Variants in GTF2E1 observed in about 807,000 individuals in gnomAD.
GTF2E1 encodes general transcription factor IIE subunit 1.
GTF2E1 carries 14 observed loss-of-function variants against 34.9 expected under a neutral mutation model. The ratio of observed to expected loss-of-function variants is 0.40; its 90% confidence interval spans 0.27 to 0.63. GTF2E1 has a LOEUF of 0.63. Ranked by LOEUF, GTF2E1 falls within the 20% of genes least tolerant of loss-of-function variation. GTF2E1 has a pLI of 0.39. For synonymous variants in GTF2E1, 188 were observed against 192.9 expected, an observed-to-expected ratio of 0.97 and a Z score of 0.21; for missense variants, 469 against 557.7, an observed-to-expected ratio of 0.84 and a Z score of 1.60.
chr3:120,770,265 T>C (rs1396299634), intron 2 of GTF2E1, among the ~76,000 whole-genome samples: 2 of 152,142 alleles, frequency 1.3e-5, no homozygotes, highest in African/African-American at 4.8e-5. Flanking sequence ...AAATGGTTAA[T>C]AAATTTTAAA....
chr3:120,760,998 T>A (rs1420263773), intron 2 of GTF2E1, among the ~76,000 whole-genome samples: 1 of 152,226 alleles, frequency 6.6e-6, no homozygotes, highest in African/African-American at 2.4e-5. Flanking sequence ...TCAGAAGGAA[T>A]GGTACCAGCT....
chr3:120,758,597 G>GT, intron 2 of GTF2E1, among the ~76,000 whole-genome samples: 1 of 151,956 alleles, frequency 6.6e-6, no homozygotes, highest in East Asian at 1.9e-4. Context: ...ACAGGCCCTG[G>GT]TGTGTGATGT....
At chr3:120,762,337 G>T (rs983237579) in intron 2 of GTF2E1, among the ~76,000 whole-genome samples, 4 of 152,218 alleles carry the variant, frequency 2.6e-5, no homozygotes, top group South Asian at 4.1e-4. Context: ...AGTTATTATT[G>T]TGTGGGAGTC....
intron 3 of GTF2E1, among the ~76,000 whole-genome samples, chr3:120,775,630 G>A (rs1576363204): frequency 6.6e-6 from 1 of 152,274 alleles, no homozygotes. Flanking sequence ...AGGTTGGGGG[G>A]AACTTAAGTG....
chr3:120,753,022 C>T (rs1373781026), intron 2 of GTF2E1, among the ~76,000 whole-genome samples: 6 of 151,996 alleles, frequency 3.9e-5, no homozygotes, highest in African/African-American at 7.2e-5. Context: ...TTTATTGTAA[C>T]GTGGCTTTTC....
chr3:120,749,507 A>G (rs982227626), intron 1 of GTF2E1, among the ~76,000 whole-genome samples: 2 of 152,146 alleles, frequency 1.3e-5, no homozygotes, highest in Non-Finnish European at 2.9e-5. Flanking sequence ...ATCTATTGAG[A>G]TAATCATGTG....
intron 3 of GTF2E1, among the ~76,000 whole-genome samples, chr3:120,771,411 C>T (rs961417364): frequency 3.3e-5 from 5 of 152,118 alleles, no homozygotes; most frequent in African/African-American, 4.8e-5. Context: ...GTTAATACTC[C>T]TAACAGTGGC....
intron 4 of GTF2E1, among the ~76,000 whole-genome samples, chr3:120,777,024 G>T (rs905671181): frequency 6.6e-6 from 1 of 151,914 alleles, no homozygotes; most frequent in African/African-American, 2.4e-5. Flanking sequence ...TCTGAATTGG[G>T]AGCCAAAACT....
intron 1 of GTF2E1, among the ~76,000 whole-genome samples, chr3:120,744,945 G>T (rs1020132243): frequency 1.3e-5 from 2 of 151,090 alleles, no homozygotes; most frequent in Non-Finnish European, 1.5e-5. Context: ...TTTTTTGAGG[G>T]TCCTGTCCTG....
At chr3:120,771,009 G>A in intron 3 of GTF2E1, 80 bp downstream of exon 3, 1 of 1,147,094 alleles carries the variant, frequency 8.7e-7, no homozygotes, top group Non-Finnish European at 1.3e-6. Context: ...TGGAGAACAA[G>A]AGTGGGTAAT....
At chr3:120,749,790 G>A (rs1709146641) in intron 1 of GTF2E1, 1 of 152,184 alleles carries the variant, frequency 6.6e-6, no homozygotes, top group East Asian at 1.9e-4. Context: ...GCTTTGAGAA[G>A]ACAGCTTTCT....
At chr3:120,755,768 C>T (rs1047865476) in intron 2 of GTF2E1, among the ~76,000 whole-genome samples, 12 of 152,152 alleles carry the variant, frequency 7.9e-5, no homozygotes, top group African/African-American at 2.9e-4. Flanking sequence ...ATCCCTACTA[C>T]CATTTCTACC....
intron 2 of GTF2E1, among the ~76,000 whole-genome samples, chr3:120,763,376 G>A (rs1489211245): frequency 3.3e-5 from 5 of 152,084 alleles, no homozygotes; most frequent in African/African-American, 1.2e-4. Context: ...TTTAAGGAAG[G>A]ACAAACTAAA....
intron 1 of GTF2E1, among the ~76,000 whole-genome samples, 167 bp from the exon 2 acceptor site, chr3:120,750,356 G>A (rs1709153929): frequency 6.6e-6 from 1 of 152,150 alleles, no homozygotes; most frequent in Admixed American, 6.5e-5. Flanking sequence ...CTTTTTGGGT[G>A]TAATCTTTTG....
At chr3:120,762,487 T>G (rs893895689) in intron 2 of GTF2E1, among the ~76,000 whole-genome samples, 4 of 152,244 alleles carry the variant, frequency 2.6e-5, no homozygotes, top group African/African-American at 7.2e-5. Context: ...TTTGTCTCTT[T>G]TGATGCAAAG....
chr3:120,757,706 TC>T (rs1309048182), intron 2 of GTF2E1, among the ~76,000 whole-genome samples: 1 of 152,130 alleles, frequency 6.6e-6, no homozygotes, highest in Non-Finnish European at 1.5e-5. Context: ...TAATAGATAT[TC>T]CCCCGAACAT....
At chr3:120,762,142 T>C (rs1709269778) in intron 2 of GTF2E1, among the ~76,000 whole-genome samples, 1 of 152,190 alleles carries the variant, frequency 6.6e-6, no homozygotes, top group Non-Finnish European at 1.5e-5. Context: ...AATTATGTGG[T>C]CAATTTTAGA....
chr3:120,761,611 A>G (rs1042521981), intron 2 of GTF2E1, among the ~76,000 whole-genome samples: 2 of 151,954 alleles, frequency 1.3e-5, no homozygotes, highest in African/African-American at 4.8e-5. Context: ...AGAGATTCTG[A>G]TATGTTGTGT....
At chr3:120,768,130 A>G (rs567000728) in intron 2 of GTF2E1, among the ~76,000 whole-genome samples, 187 of 151,888 alleles carry the variant, frequency 1.2e-3, no homozygotes, top group Admixed American at 3.1e-3. Flanking sequence ...AATTAGATAA[A>G]TAATAAAACA....
Sources: gnomAD v4.1 joint callset for allele counts (sites outside exome capture counted in the v4.1 genomes callset) on GRCh38, gnomAD v4.1.1 for gene constraint, MANE v1.5 for transcripts, NCBI Gene and HGNC (gene_info 2026-07-23, HGNC 2026-07-21) for gene names.